Variants in GPX6 observed in about 807,000 individuals in gnomAD.
GPX6 encodes glutathione peroxidase 6.
In GPX6, 21 loss-of-function variants were observed where a neutral mutation model predicts 20.0. The observed-to-expected ratio is 1.05, with a 90% confidence interval of 0.74 to 1.51. GPX6 has a LOEUF of 1.51. Ranked by LOEUF, GPX6 falls within the 40% of genes most tolerant of loss-of-function variation. The pLI is 0.00. For missense variants in GPX6, 233 were observed against 254.7 expected (o/e 0.91, Z 0.58); for synonymous variants, 75 against 98.0 (o/e 0.77, Z 1.38).
At chr6:28,513,481 G>C (rs540625467) in intron 1 of GPX6, among the ~76,000 whole-genome samples, 1 of 152,204 alleles carries the variant, frequency 6.6e-6, no homozygotes, top group South Asian at 2.1e-4. Context: ...CCCGTCGCAT[G>C]CCTTGTGAGA....
At chr6:28,506,507 C>T (rs1398435483) in intron 2 of GPX6, 78 bp from the exon 3 acceptor site, 9 of 800,446 alleles carry the variant, frequency 1.1e-5, no homozygotes, top group African/African-American at 1.7e-5. Context: ...CTGAATGTAT[C>T]CATTTATCAC....
Position 28,505,701 on chromosome 6 carries a change from A to G in GPX6, c.459+2T>C, listed in dbSNP as rs775848625. The G allele has an allele frequency of 6.2e-7, 1 of 1,611,306 alleles. No homozygotes were observed. The highest frequency in any genetic ancestry group is 8.5e-7 in the Non-Finnish European group (1 of 1,177,490). On this transcript the variant is annotated splice_donor_variant, in intron 4 of 4. Transcript: ENST00000361902. LOFTEE classifies it high-confidence loss of function. Reference sequence around the variant, plus strand: ...ATCCATGCCAGGTTTATACTCATGCACCTTCAGGAAAGTAAAGACCTTCTG... The same window carrying G: ...ATCCATGCCAGGTTTATACTCATGCGCCTTCAGGAAAGTAAAGACCTTCTG...
chr6:28,506,403 T>C lies in GPX6; in HGVS notation c.268A>G (p.Lys90Glu). Residue 90 changes from lysine (K) to glutamate (E), a missense_variant, in exon 3 of 5, where the codon AAG (lysine) becomes GAG (glutamate). Physicochemically the swap from Lys to Glu is moderately conservative, Grantham distance 56. Transcript: ENST00000361902. ...PELNALQEEL[K>E]NFGVIVLAFP... The stretch of plus-strand genomic sequence containing the variant: ...GCCAACACAATGACACCAAAATTCT[T>C]CAGCTCCTCCTGTAGTGCATTCAGT... The C allele has an allele frequency of 6.2e-7, 1 of 1,613,376 alleles. No homozygotes were observed. The highest frequency in any genetic ancestry group is 1.1e-5 in the South Asian group (1 of 91,074).
At chr6:28,510,605 G>C in intron 2 of GPX6, 146 bp downstream of exon 2, 3 of 694,742 alleles carry the variant, frequency 4.3e-6, no homozygotes, top group Non-Finnish European at 7.1e-6. Flanking sequence ...CTAAGGAGCA[G>C]AGCAGGAGCA....
chr6:28,511,399 T>A (rs1382814426), intron 1 of GPX6, among the ~76,000 whole-genome samples: 1 of 152,172 alleles, frequency 6.6e-6, no homozygotes, highest in Non-Finnish European at 1.5e-5. Context: ...AATGGGGTAA[T>A]CACTGGTGAT....
intron 1 of GPX6, among the ~76,000 whole-genome samples, chr6:28,514,419 A>G (rs535557799): frequency 1.8e-4 from 28 of 152,374 alleles, no homozygotes; most frequent in Non-Finnish European, 3.5e-4. Flanking sequence ...TACATCGAGA[A>G]TTCCACACCC....
In GPX6 at chr6:28,510,870, T is replaced by C. The variant is rs370076049; in HGVS notation, c.122A>G (p.Tyr41Cys). 248 of 1,613,380 alleles carry C rather than the reference T, an allele frequency of 1.5e-4. 1 individual carries two copies. In the South Asian group the frequency reaches 2.3e-3, roughly 15 times the overall value. Residue 41 changes from tyrosine to cysteine, a missense_variant, in exon 2 of 5, where the codon TAT becomes TGT. Coordinates refer to ENST00000361902, the MANE Select transcript of GPX6 (RefSeq NM_182701.1). ...GTTGAGGGTGAGGGCTCCATACTCA[T>C]AGATGGTGCCTGTTACCCCTTTGTT... is the stretch of plus-strand genomic sequence containing the variant. Reference protein sequence around the residue: ...DCNKGVTGTIYEYGALTLNGE... With the variant: ...DCNKGVTGTICEYGALTLNGE...
Position 28,504,961 on chromosome 6 carries a change from A to G in GPX6, c.460-463T>C, listed in dbSNP as rs1452232087. 2.0e-5 allele frequency among the ~76,000 whole-genome samples: 3 copies of G among 152,350 alleles called. 1 individual carries two copies. Among genetic ancestry groups the G allele is most frequent in the African/African-American group, 2.4e-5 (1 of 41,580 alleles). On this transcript the variant is annotated intron_variant, in intron 4 of 4. Transcript: ENST00000361902. ...CTTGGATATTAACGTAGAATCACTA[A>G]TACTCATTTTGCCAATAAGAAAAAT...
Position 28,506,399 on chromosome 6 carries a change from T to A in GPX6, c.272A>T (p.Asn91Ile). The A allele has an allele frequency of 6.2e-7, 1 of 1,613,604 alleles. No homozygotes were observed. Among genetic ancestry groups the A allele is most frequent in the Non-Finnish European group, 8.5e-7 (1 of 1,179,522 alleles). ...ELNALQEELK[N>I]FGVIVLAFPC... ...AAAGGCCAACACAATGACACCAAAATTCTTCAGCTCCTCCTGTAGTGCATT... is the reference window on the plus strand; with the variant it reads ...AAAGGCCAACACAATGACACCAAAAATCTTCAGCTCCTCCTGTAGTGCATT... Residue 91 changes from asparagine to isoleucine, a missense_variant, in exon 3 of 5, where the codon AAT becomes ATT. Transcript: ENST00000361902.
intron 3 of GPX6, 69 bp from the exon 4 acceptor site, chr6:28,505,871 C>A: frequency 9.4e-7 from 1 of 1,063,302 alleles, no homozygotes. Context: ...ATGGCCACCA[C>A]CAATTCACTA....
intron 1 of GPX6, among the ~76,000 whole-genome samples, chr6:28,513,045 T>G (rs1023801035): frequency 1.4e-4 from 21 of 152,146 alleles, no homozygotes; most frequent in African/African-American, 5.1e-4. Context: ...TTGAACACAG[T>G]AGGAGCACAC....
chr6:28,504,922 T>G (rs774156102), intron 4 of GPX6, among the ~76,000 whole-genome samples: 19 of 152,330 alleles, frequency 1.2e-4, no homozygotes, highest in Admixed American at 4.6e-4. Flanking sequence ...CAGTAAAATT[T>G]CAATAACTAT....
At chr6:28,504,601 T>C in intron 4 of GPX6, 103 bp from the exon 5 acceptor site, 1 of 991,660 alleles carries the variant, frequency 1.0e-6, no homozygotes, top group Non-Finnish European at 1.5e-6. Context: ...CTACTCACCA[T>C]TATGTATTTT....
intron 1 of GPX6, among the ~76,000 whole-genome samples, chr6:28,512,351 A>G (rs1246165526): frequency 6.6e-6 from 1 of 152,232 alleles, no homozygotes; most frequent in African/African-American, 2.4e-5. Flanking sequence ...AAACACACCA[A>G]TCAGCACCCT....
Position 28,513,730 on chromosome 6 carries a change from A to G in GPX6, c.87+1927T>C, listed in dbSNP as rs143965040. ...GCTATAAGTCCTGGCCATATGAAGAAAAATCATAGAATTTTAGAGTAATTT... is the reference window on the plus strand; with the variant it reads ...GCTATAAGTCCTGGCCATATGAAGAGAAATCATAGAATTTTAGAGTAATTT... On this transcript the variant is annotated intron_variant, in intron 1 of 4. Coordinates refer to ENST00000361902, the MANE Select transcript of GPX6 (RefSeq NM_182701.1). Among the ~76,000 whole-genome samples, 431 of 152,318 alleles carry G rather than the reference A, an allele frequency of 2.8e-3. 1 individual carries two copies. The highest frequency in any genetic ancestry group is 0.017 in the Middle Eastern group (5 of 294).
At chr6:28,515,190 C>T (rs2078439) in intron 1 of GPX6, among the ~76,000 whole-genome samples, 28,335 of 152,112 alleles carry the variant, frequency 0.19, 3,437 homozygotes, top group East Asian at 0.49. Flanking sequence ...TAGTGCAGAT[C>T]GCAAGCCCAG....
At chr6:28,512,824 C>G (rs1458483227) in intron 1 of GPX6, among the ~76,000 whole-genome samples, 4 of 151,748 alleles carry the variant, frequency 2.6e-5, no homozygotes, top group Admixed American at 1.3e-4. Flanking sequence ...TCCAGACGCG[C>G]TGCCTTAAGA....
Position 28,515,033 on chromosome 6 carries a change from G to C in GPX6, c.87+624C>G, listed in dbSNP as rs533459585. On this transcript the variant is annotated intron_variant, in intron 1 of 4. Coordinates refer to ENST00000361902, the MANE Select transcript of GPX6 (RefSeq NM_182701.1). ...AGCAACACCAAGATCTGAGAACAAA[G>C]CCTACTCTGAGCTGAGCTTTGTCTC... 9.2e-5 allele frequency among the ~76,000 whole-genome samples: 14 copies of C among 152,276 alleles called. No individual in the cohort carries two copies. In the East Asian group the frequency reaches 2.7e-3, roughly 29 times the overall value.
At chr6:28,515,584 C>G (rs1217353034) in intron 1 of GPX6, 73 bp downstream of exon 1, 2 of 1,117,188 alleles carry the variant, frequency 1.8e-6, no homozygotes, top group Non-Finnish European at 2.7e-6. Context: ...GAGTAGAGAA[C>G]TCCTTGCAAC....
Sources: gnomAD v4.1 joint callset for allele counts (sites outside exome capture counted in the v4.1 genomes callset) on GRCh38, gnomAD v4.1.1 for gene constraint, MANE v1.5 for transcripts, NCBI Gene and HGNC (gene_info 2026-07-23, HGNC 2026-07-21) for gene names.